The following MAF variants were observed in gnomAD, a reference collection of about 807,000 sequenced individuals.
The protein encoded by MAF is transcription factor Maf.
Under a neutral mutation model 22.0 loss-of-function variants are expected in MAF, and 10 were observed. That is an observed-to-expected ratio of 0.45 (90% CI 0.28 to 0.77). MAF has a LOEUF of 0.77. Ranked by LOEUF, MAF falls within the 30% of genes least tolerant of loss-of-function variation. MAF has a pLI of 0.12. For missense variants in MAF, 544 were observed against 548.4 expected (o/e 0.99, Z 0.08); for synonymous variants, 337 against 255.8 (o/e 1.32, Z -3.03).
chr16:79,202,890 C>T, the MAF span: 2 of 152,178 alleles, frequency 1.3e-5, no homozygotes, highest in Non-Finnish European at 2.9e-5. Flanking sequence ...GTAGTCAGCA[C>T]ATGCATATTT....
At chr16:79,575,415 T>G in the MAF span, among the ~76,000 whole-genome samples, 1 of 152,268 alleles carries the variant, frequency 6.6e-6, no homozygotes, top group South Asian at 2.1e-4. Flanking sequence ...GAAAATCTAA[T>G]GAAGCAGGCA....
chr16:79,364,243 T>C, the MAF span, among the ~76,000 whole-genome samples: 6 of 151,848 alleles, frequency 4.0e-5, no homozygotes, highest in Non-Finnish European at 8.8e-5. Flanking sequence ...AATCCAAGAA[T>C]GTGGAGGATG....
the MAF span, among the ~76,000 whole-genome samples, chr16:79,406,423 C>T: frequency 6.6e-6 from 1 of 152,128 alleles, no homozygotes; most frequent in South Asian, 2.1e-4. Flanking sequence ...AGTCTAAGAT[C>T]AAGGAGCTGG....
the MAF span, among the ~76,000 whole-genome samples, chr16:79,316,286 G>A: frequency 2.6e-5 from 4 of 152,134 alleles, no homozygotes; most frequent in African/African-American, 7.2e-5. Context: ...ACCACACTCC[G>A]TTTCCAGAGA....
the MAF span, among the ~76,000 whole-genome samples, chr16:79,336,538 T>A: frequency 6.6e-6 from 1 of 152,252 alleles, no homozygotes; most frequent in African/African-American, 2.4e-5. Flanking sequence ...ACATTTAGCT[T>A]CATTGTCCTA....
At chr16:79,582,048 T>C (rs1912553426), downstream of MAF, among the ~76,000 whole-genome samples, 1 of 152,190 alleles carries the variant, frequency 6.6e-6, no homozygotes, top group South Asian at 2.1e-4. Context: ...CCCACTGTCT[T>C]ACTGTTGTCC....
chr16:79,592,261 AG>A (rs1567560699), downstream of MAF, among the ~76,000 whole-genome samples: 1 of 152,200 alleles, frequency 6.6e-6, no homozygotes, highest in Non-Finnish European at 1.5e-5. Flanking sequence ...AATTTGTGGC[AG>A]GACTGTGTTT....
chr16:79,392,312 A>G, the MAF span, among the ~76,000 whole-genome samples: 294 of 139,638 alleles, frequency 2.1e-3, 3 homozygotes, highest in South Asian at 0.03. Flanking sequence ...AAGGAAGGAG[A>G]GAGAGGGAGG....
chr16:79,361,620 T>A, the MAF span, among the ~76,000 whole-genome samples: 5 of 152,082 alleles, frequency 3.3e-5, no homozygotes, highest in African/African-American at 9.7e-5. Context: ...ATGGAGCCCA[T>A]AGCTATTTTT....
chr16:79,530,704 T>C, the MAF span, among the ~76,000 whole-genome samples: 5 of 152,184 alleles, frequency 3.3e-5, no homozygotes, highest in Non-Finnish European at 5.9e-5. Context: ...TTTTTGAATA[T>C]TGTGAACTTT....
the MAF span, among the ~76,000 whole-genome samples, chr16:79,273,656 C>T: frequency 1.3e-5 from 2 of 151,040 alleles, no homozygotes; most frequent in Admixed American, 6.6e-5. Flanking sequence ...GCAGGTGAAG[C>T]TCTTCTCATC....
chr16:79,401,016 A>T, the MAF span, among the ~76,000 whole-genome samples: 8 of 152,292 alleles, frequency 5.3e-5, no homozygotes, highest in South Asian at 1.5e-3. Flanking sequence ...CTGTCCGCTG[A>T]TAAGGAGTCT....
the MAF span, among the ~76,000 whole-genome samples, chr16:79,557,202 A>G: frequency 2.6e-5 from 4 of 151,848 alleles, no homozygotes; most frequent in Non-Finnish European, 5.9e-5. Context: ...AGTGCCAGCT[A>G]CATCTACACT....
the MAF span, among the ~76,000 whole-genome samples, chr16:79,307,360 T>C: frequency 6.6e-6 from 1 of 152,200 alleles, no homozygotes; most frequent in African/African-American, 2.4e-5. Flanking sequence ...GGTCCCCTTG[T>C]TCAGTGGGAG....
At chr16:79,507,395 C>T in the MAF span, among the ~76,000 whole-genome samples, 9 of 151,182 alleles carry the variant, frequency 6.0e-5, no homozygotes, top group Non-Finnish European at 1.0e-4. Context: ...GGATTACAGG[C>T]GTGAGCCACC....
At chr16:79,331,566 C>T in the MAF span, among the ~76,000 whole-genome samples, 1 of 152,172 alleles carries the variant, frequency 6.6e-6, no homozygotes, top group Non-Finnish European at 1.5e-5. Context: ...TTACACGAGC[C>T]ACCCGCATCT....
chr16:79,518,608 C>T, the MAF span, among the ~76,000 whole-genome samples: 1 of 152,232 alleles, frequency 6.6e-6, no homozygotes, highest in Non-Finnish European at 1.5e-5. Flanking sequence ...TCAGTTTCCA[C>T]ATCTGTGAAA....
chr16:79,415,641 C>T, the MAF span, among the ~76,000 whole-genome samples: 4 of 151,978 alleles, frequency 2.6e-5, no homozygotes, highest in East Asian at 5.9e-4. Flanking sequence ...ATGGTTGCCT[C>T]GGGGCCACTG....
At chr16:79,240,972 A>C in the MAF span, among the ~76,000 whole-genome samples, 1 of 152,096 alleles carries the variant, frequency 6.6e-6, no homozygotes, top group African/African-American at 2.4e-5. Context: ...AGAAAAACTA[A>C]CAAACAGAAA....
Sources: gnomAD v4.1 joint callset for allele counts (sites outside exome capture counted in the v4.1 genomes callset) on GRCh38, gnomAD v4.1.1 for gene constraint, MANE v1.5 for transcripts, NCBI Gene and HGNC (gene_info 2026-07-23, HGNC 2026-07-21) for gene names.